GALNT17: variants seen among roughly 807,000 people sequenced by gnomAD.
GALNT17 encodes UDP-GalNAc:polypeptide N-acetylgalactosaminyltransferase-like 3.
A neutral mutation model predicts 63.7 loss-of-function variants in GALNT17; 29 were observed. The ratio of observed to expected loss-of-function variants is 0.46; its 90% CI spans 0.34 to 0.62. GALNT17 has a LOEUF of 0.62. Among genes scored for constraint, GALNT17 ranks in the 20% least tolerant of loss-of-function variants. GALNT17 has a pLI of 0.01. For missense variants in GALNT17, 603 were observed against 799.6 expected (o/e 0.75, Z 2.97); for synonymous variants, 305 against 318.3 (o/e 0.96, Z 0.45).
intron 5 of GALNT17, among the ~76,000 whole-genome samples, chr7:71,492,360 G>A (rs1382477274): frequency 2.0e-5 from 3 of 152,188 alleles, no homozygotes; most frequent in Non-Finnish European, 4.4e-5. Flanking sequence ...TTCATGCCCA[G>A]TGATCTCTGT....
intron 1 of GALNT17, among the ~76,000 whole-genome samples, chr7:71,326,699 A>G (rs1347896101): frequency 6.6e-6 from 1 of 152,186 alleles, no homozygotes; most frequent in Non-Finnish European, 1.5e-5. Context: ...TTTTTGCTGA[A>G]TTAAAAAACA....
intron 5 of GALNT17, among the ~76,000 whole-genome samples, chr7:71,497,173 G>A (rs988254821): frequency 5.3e-5 from 8 of 152,200 alleles, no homozygotes; most frequent in African/African-American, 1.9e-4. Flanking sequence ...CTGGGAGCCA[G>A]GACTGGATAC....
chr7:71,606,132 T>G (rs1167055550), intron 6 of GALNT17, among the ~76,000 whole-genome samples: 3 of 81,534 alleles, frequency 3.7e-5, no homozygotes, highest in African/African-American at 1.3e-4. Flanking sequence ...TTTTTTTTTT[T>G]TTTGTACAGA....
intron 5 of GALNT17, among the ~76,000 whole-genome samples, chr7:71,511,831 C>T (rs1788361107): frequency 2.0e-5 from 3 of 151,996 alleles, no homozygotes; most frequent in African/African-American, 7.2e-5. Context: ...GCCCAGGGGT[C>T]CCTTCTCTTG....
At chr7:71,256,383 C>T (rs904031684) in intron 1 of GALNT17, among the ~76,000 whole-genome samples, 3 of 152,124 alleles carry the variant, frequency 2.0e-5, no homozygotes, top group Admixed American at 6.6e-5. Context: ...CCAGCCTGGC[C>T]AACATGGTGA....
chr7:71,477,110 ATAC>A (rs957482631), intron 5 of GALNT17, among the ~76,000 whole-genome samples: 28 of 152,292 alleles, frequency 1.8e-4, no homozygotes, highest in Non-Finnish European at 1.3e-4. Context: ...AGTTTTAGTG[ATAC>A]TACTACTACT....
intron 2 of GALNT17, among the ~76,000 whole-genome samples, chr7:71,387,792 A>G (rs552308931): frequency 6.6e-6 from 1 of 152,240 alleles, no homozygotes; most frequent in African/African-American, 2.4e-5. Flanking sequence ...TAGATGGCAC[A>G]GGTAGATGCA....
At chr7:71,601,297 C>G (rs967038675) in intron 6 of GALNT17, among the ~76,000 whole-genome samples, 22 of 152,106 alleles carry the variant, frequency 1.4e-4, no homozygotes, top group African/African-American at 4.8e-4. Flanking sequence ...GGGTAGATAA[C>G]AGTAGTGGGA....
chr7:71,541,632 C>T (rs1788894948), intron 5 of GALNT17, among the ~76,000 whole-genome samples: 1 of 152,008 alleles, frequency 6.6e-6, no homozygotes, highest in Non-Finnish European at 1.5e-5. Flanking sequence ...AATTCCTCTG[C>T]CCCCGGCTTC....
intron 10 of GALNT17, 38 bp downstream of exon 10, chr7:71,710,966 C>G (rs887846899): frequency 6.2e-7 from 1 of 1,600,046 alleles, no homozygotes; most frequent in Non-Finnish European, 8.5e-7. Flanking sequence ...CCCAGAGTAG[C>G]TGCAAGAGGC....
At chr7:71,176,637 C>T (rs918465756) in intron 1 of GALNT17, among the ~76,000 whole-genome samples, 1 of 152,100 alleles carries the variant, frequency 6.6e-6, no homozygotes, top group Admixed American at 6.5e-5. Context: ...AACAGACAAC[C>T]ATGTTTCCTA....
chr7:71,382,422 C>T (rs1038636449), intron 2 of GALNT17, among the ~76,000 whole-genome samples: 1 of 151,968 alleles, frequency 6.6e-6, no homozygotes, highest in Non-Finnish European at 1.5e-5. Flanking sequence ...AACAAGTGTC[C>T]CAGGGCCTGA....
chr7:71,695,049 C>T (rs1276701592), intron 9 of GALNT17, among the ~76,000 whole-genome samples: 6 of 152,186 alleles, frequency 3.9e-5, no homozygotes, highest in Non-Finnish European at 7.3e-5. Context: ...TCTTTACTTC[C>T]TTAACCAATT....
At chr7:71,220,768 T>TA (rs1789568556) in intron 1 of GALNT17, among the ~76,000 whole-genome samples, 1 of 152,034 alleles carries the variant, frequency 6.6e-6, no homozygotes, top group South Asian at 2.1e-4. Flanking sequence ...ACTTGGAAGA[T>TA]ACAGCCATCT....
chr7:71,253,034 G>A (rs2115566183), intron 1 of GALNT17, among the ~76,000 whole-genome samples: 1 of 152,308 alleles, frequency 6.6e-6, no homozygotes, highest in African/African-American at 2.4e-5. Flanking sequence ...TGCTCTGTGT[G>A]CAAGACAACT....
chr7:71,559,299 G>A (rs1021046693), intron 5 of GALNT17, among the ~76,000 whole-genome samples: 9 of 152,142 alleles, frequency 5.9e-5, no homozygotes, highest in African/African-American at 2.2e-4. Flanking sequence ...TTAGTGTTTA[G>A]CAGCTGCAAG....
chr7:71,669,547 C>T (rs1365250712), intron 7 of GALNT17, among the ~76,000 whole-genome samples: 23 of 147,692 alleles, frequency 1.6e-4, no homozygotes, highest in African/African-American at 5.2e-4. Flanking sequence ...AATAAGCATA[C>T]GAGGCTTAAG....
chr7:71,590,036 G>A (rs1293487751), intron 6 of GALNT17, among the ~76,000 whole-genome samples: 1 of 150,710 alleles, frequency 6.6e-6, no homozygotes, highest in East Asian at 1.9e-4. Context: ...AACCATGCCC[G>A]TACATGTATT....
chr7:71,483,046 G>A (rs182583413), intron 5 of GALNT17, among the ~76,000 whole-genome samples: 217 of 152,298 alleles, frequency 1.4e-3, no homozygotes, highest in African/African-American at 4.9e-3. Context: ...GTTCCTGAAA[G>A]GTCACAGATC....
Sources: allele counts gnomAD v4.1 joint callset (sites outside exome capture counted in the v4.1 genomes callset), GRCh38; gene constraint gnomAD v4.1.1; transcripts MANE v1.5; gene names NCBI Gene and HGNC (gene_info 2026-07-23, HGNC 2026-07-21).